The following TNFRSF21 variants were observed in gnomAD, a reference collection of about 807,000 sequenced individuals.
TNFRSF21 encodes the protein tumor necrosis factor receptor superfamily member 21.
TNFRSF21 carries 19 observed loss-of-function variants against 45.6 expected under a neutral mutation model. That is an observed-to-expected ratio of 0.42 (90% CI 0.29 to 0.61). TNFRSF21 has a LOEUF of 0.61. TNFRSF21 is among the 20% of genes least tolerant of loss of function. The pLI is 0.23. For missense variants in TNFRSF21, 737 were observed against 851.5 expected, an observed-to-expected ratio of 0.87 and a Z score of 1.67; for synonymous variants, 314 against 335.5, an observed-to-expected ratio of 0.94 and a Z score of 0.70.
chr6:47,270,200 A>AC (rs1762394844), intron 3 of TNFRSF21, among the ~76,000 whole-genome samples: 1 of 151,852 alleles, frequency 6.6e-6, no homozygotes, highest in Non-Finnish European at 1.5e-5. Flanking sequence ...TGGGTCCCTG[A>AC]CCCCCGTATA....
rs1177571549 is a variant in TNFRSF21 at position 47,284,174 on chromosome 6, G to A, written c.1007C>T (p.Pro336Leu). 1.2e-6 allele frequency: 2 copies of A among 1,614,084 alleles called. No individual in the cohort carries two copies. Among genetic ancestry groups the A allele is most frequent in the Non-Finnish European group, 1.7e-6 (2 of 1,180,046 alleles). ...AAAATGCTTGTGTAGGTTCTGTCTA[G>A]GATGTCCCCTCTTGGGGCCCTTGAT... The part of the protein sequence containing the change: ...TPIKGPKRGH[P>L]RQNLHKHFDI... The change falls in exon 3 of 6, where the codon CCT becomes CTT. Residue 336 changes from proline (P) to leucine (L), a missense_variant. Transcript: ENST00000296861.
chr6:47,290,341 C>G (rs1161388716), intron 1 of TNFRSF21, among the ~76,000 whole-genome samples: 1 of 152,178 alleles, frequency 6.6e-6, no homozygotes, highest in Admixed American at 6.5e-5. Context: ...CACACACACA[C>G]TCACAAGGGT....
chr6:47,284,227 G>T lies in TNFRSF21; in HGVS notation c.954C>A (p.Ala318=), dbSNP rs760085832. ...HILKLLPSME[A]TGGEKSSTPI... is the part of the protein sequence containing the mutation. Reference sequence around the variant, plus strand: ...GCGTGCTGGACTTCTCGCCCCCAGTGGCCTCCATGGACGGCAGCAGCTTCA... The same window carrying T: ...GCGTGCTGGACTTCTCGCCCCCAGTTGCCTCCATGGACGGCAGCAGCTTCA... Residue 318 remains alanine (A), a synonymous_variant, in exon 3 of 6, where the codon GCC becomes GCA. Transcript: ENST00000296861. The T allele has an allele frequency of 5.0e-6, 8 of 1,613,926 alleles. No individual in the cohort carries two copies. The highest frequency in any genetic ancestry group is 6.8e-6 in the Non-Finnish European group (8 of 1,179,966).
intron 1 of TNFRSF21, among the ~76,000 whole-genome samples, chr6:47,297,585 C>T (rs911880371): frequency 3.4e-5 from 5 of 147,358 alleles, no homozygotes; most frequent in Non-Finnish European, 5.9e-5. Context: ...TGCAGTGGCA[C>T]GATCTGGGCT....
At position 47,309,706 on chromosome 6, in the gene TNFRSF21, C is replaced by T; in HGVS notation, c.-195G>A. ...AGGCTCTAGGGGCGCTCAGCACCTG[C>T]CCAGCGGCGCGGCCGCCCAGGCGGG... On this transcript the variant is annotated 5_prime_UTR_variant, in exon 1 of 6. Coordinates refer to ENST00000296861, the MANE Select transcript of TNFRSF21 (RefSeq NM_014452.5). 1.3e-6 allele frequency: 1 copy of T among 742,678 alleles called. No individual in the cohort carries two copies. The highest frequency in any genetic ancestry group is 1.9e-6 in the Non-Finnish European group (1 of 535,780). 46.0% of individuals were successfully genotyped at this position (742,678 alleles called of 1,614,324 possible). A position where few individuals can be genotyped will look rare whatever the true frequency, so the allele number is the denominator to read the frequency against.
chr6:47,291,191 C>A (rs1386632221), intron 1 of TNFRSF21, among the ~76,000 whole-genome samples: 1 of 152,210 alleles, frequency 6.6e-6, no homozygotes, highest in Non-Finnish European at 1.5e-5. Flanking sequence ...AGCACAGGAA[C>A]TAAAAAGCTT....
intron 3 of TNFRSF21, among the ~76,000 whole-genome samples, chr6:47,261,995 C>G (rs1466497217): frequency 6.6e-6 from 1 of 152,208 alleles, no homozygotes; most frequent in East Asian, 1.9e-4. Context: ...CCTTCCCTAA[C>G]TGAGGTGTAA....
rs752362000 is a variant in TNFRSF21 at position 47,234,942 on chromosome 6, A to C, written c.1510-44T>G. ...TTTTTTATTATATATAGAAAAAAAA[A>C]CAGTAAAATTAAAATCCCTCCTCAG... On this transcript the variant is annotated intron_variant, in intron 4 of 5. Coordinates refer to ENST00000296861, the MANE Select transcript of TNFRSF21 (RefSeq NM_014452.5). 1.5e-4 allele frequency: 173 copies of C among 1,154,942 alleles called. 1 individual carries two copies. The highest frequency in any genetic ancestry group is 2.5e-4 in the East Asian group (8 of 31,552). The allele number at this position is 1,154,942 out of a possible 1,614,324, so 71.5% of individuals were successfully genotyped here.
chr6:47,266,914 T>G (rs1382496352), intron 3 of TNFRSF21, among the ~76,000 whole-genome samples: 1 of 152,124 alleles, frequency 6.6e-6, no homozygotes, highest in Non-Finnish European at 1.5e-5. Flanking sequence ...TAAGCAGGTT[T>G]GCTTTTTCAC....
At chr6:47,309,330 C>CCCGGCCCGGTGA in intron 1 of TNFRSF21, 86 bp downstream of exon 1, 1 of 1,461,384 alleles carries the variant, frequency 6.8e-7, no homozygotes, top group South Asian at 1.4e-5. Context: ...CTCCCTAAGC[C>CCCGGCCCGGTGA]CCGGCCCGGT....
chr6:47,287,002 C>T (rs540372622), intron 1 of TNFRSF21, among the ~76,000 whole-genome samples: 129 of 152,180 alleles, frequency 8.5e-4, no homozygotes, highest in African/African-American at 3.0e-3. Context: ...TTTGCATTTG[C>T]AAAATTTGCA....
intron 1 of TNFRSF21, among the ~76,000 whole-genome samples, chr6:47,293,697 T>C (rs1762757914): frequency 6.6e-6 from 1 of 152,164 alleles, no homozygotes; most frequent in African/African-American, 2.4e-5. Context: ...CCACTCCAAC[T>C]CACACTCCAA....
At chr6:47,259,957 T>C (rs759758143) in intron 3 of TNFRSF21, among the ~76,000 whole-genome samples, 22 of 152,184 alleles carry the variant, frequency 1.4e-4, no homozygotes, top group Non-Finnish European at 3.1e-4. Flanking sequence ...ATTTCACTTT[T>C]CACTTAAGTA....
intron 4 of TNFRSF21, among the ~76,000 whole-genome samples, chr6:47,237,630 TATAAA>T (rs141611305): frequency 0.07 from 10,647 of 152,240 alleles, 406 homozygotes; most frequent in South Asian, 0.14. Flanking sequence ...CCAAGATACT[TATAAA>T]ATAAAATAAT....
At chr6:47,308,420 C>G (rs1762969400) in intron 1 of TNFRSF21, among the ~76,000 whole-genome samples, 1 of 152,170 alleles carries the variant, frequency 6.6e-6, no homozygotes, top group Non-Finnish European at 1.5e-5. Context: ...TTCCATCCCT[C>G]CTGCAGTGAT....
At chr6:47,238,307 A>G (rs572615559) in intron 4 of TNFRSF21, among the ~76,000 whole-genome samples, 44 of 152,364 alleles carry the variant, frequency 2.9e-4, no homozygotes, top group Non-Finnish European at 5.1e-4. Flanking sequence ...GCTTATTTCA[A>G]TAAGGCAGAT....
chr6:47,301,188 A>G (rs944974494), intron 1 of TNFRSF21, among the ~76,000 whole-genome samples: 2 of 152,240 alleles, frequency 1.3e-5, no homozygotes, highest in Non-Finnish European at 2.9e-5. Context: ...TAACTTGACT[A>G]GAATGAATGA....
intron 3 of TNFRSF21, among the ~76,000 whole-genome samples, chr6:47,274,035 A>G (rs1265511521): frequency 6.6e-6 from 1 of 152,216 alleles, no homozygotes. Context: ...AGGAAGAATG[A>G]ATATTGTGAA....
intron 3 of TNFRSF21, among the ~76,000 whole-genome samples, chr6:47,276,730 C>T (rs1393812305): frequency 1.3e-5 from 2 of 152,164 alleles, no homozygotes; most frequent in Admixed American, 6.5e-5. Flanking sequence ...TAAAATATCT[C>T]CTAACTTGCT....
Sources: gnomAD v4.1 joint callset for allele counts (sites outside exome capture counted in the v4.1 genomes callset) on GRCh38, gnomAD v4.1.1 for gene constraint, MANE v1.5 for transcripts, NCBI Gene and HGNC (gene_info 2026-07-23, HGNC 2026-07-21) for gene names.